ELF1: variants seen among roughly 807,000 people sequenced by gnomAD.
ELF1 encodes the protein E74 like ETS transcription factor 1.
In ELF1, 24 loss-of-function variants were observed where a neutral mutation model predicts 59.9. The observed-to-expected ratio is 0.40, with a 90% confidence interval of 0.29 to 0.56. The LOEUF (loss-of-function observed/expected upper bound fraction) is 0.56, where lower values mean the gene tolerates loss of function less well. ELF1 is among the 20% of genes least tolerant of loss of function. The pLI is 0.44. For synonymous variants in ELF1, 248 were observed against 266.2 expected, an observed-to-expected ratio of 0.93 and a Z score of 0.67; for missense variants, 627 against 742.2, an observed-to-expected ratio of 0.84 and a Z score of 1.80.
chr13:40,957,121 T>C (rs1871497680), intron 3 of ELF1, among the ~76,000 whole-genome samples: 2 of 106,774 alleles, frequency 1.9e-5, no homozygotes, highest in East Asian at 4.0e-4. Flanking sequence ...TGTATTTCGT[T>C]TTGAGTCTCT....
At position 40,941,357 on chromosome 13, in the gene ELF1, T is replaced by C. The variant is rs1342678791; in HGVS notation, c.820A>G (p.Arg274Gly). Reference sequence around the variant, plus strand: ...CCTTCCACTTTTGCCAGAATACCCCTTTGGTAATAGTACCTATTCAAAGCA... The same window carrying C: ...CCTTCCACTTTTGCCAGAATACCCCCTTGGTAATAGTACCTATTCAAAGCA... ...MGRALRYYYQ[R>G]GILAKVEGQR... The change falls in exon 8 of 9, where the codon AGG becomes GGG. Residue 274 changes from arginine to glycine, a missense_variant. By Grantham distance (125) the Arg-to-Gly change is moderately radical (BLOSUM62 -2). Transcript: ENST00000239882. 1 of 1,601,220 alleles carries C rather than the reference T, an allele frequency of 6.2e-7. No individual in the cohort carries two copies. Among genetic ancestry groups the C allele is most frequent in the Non-Finnish European group, 8.5e-7 (1 of 1,175,806 alleles).
At chr13:41,045,279 T>A (rs1036079203) in intron 1 of ELF1, among the ~76,000 whole-genome samples, 1 of 151,320 alleles carries the variant, frequency 6.6e-6, no homozygotes, top group South Asian at 2.2e-4. Flanking sequence ...AAGGGTTTTT[T>A]ATGTCTCCAT....
intron 8 of ELF1, among the ~76,000 whole-genome samples, chr13:40,934,416 C>CTTTTTTT (rs10692930): frequency 7.8e-5 from 8 of 102,480 alleles, no homozygotes; most frequent in African/African-American, 1.4e-4. Flanking sequence ...TTCATTCCTG[C>CTTTTTTT]TTTTTTTTTT....
At chr13:40,944,970 G>C (rs1031270051) in intron 5 of ELF1, among the ~76,000 whole-genome samples, 3 of 152,106 alleles carry the variant, frequency 2.0e-5, no homozygotes, top group African/African-American at 7.2e-5. Flanking sequence ...GAAAGGAAGG[G>C]AGAAAAGTGT....
At chr13:40,993,328 C>T in intron 1 of ELF1, 1 of 1,426,378 alleles carries the variant, frequency 7.0e-7, no homozygotes, top group Non-Finnish European at 9.9e-7. Context: ...CTGCCTTTTT[C>T]ACATTTCAGC....
At chr13:40,963,196 G>C (rs537556738) in intron 2 of ELF1, among the ~76,000 whole-genome samples, 9 of 152,288 alleles carry the variant, frequency 5.9e-5, no homozygotes, top group African/African-American at 1.9e-4. Context: ...ACTGACTCCA[G>C]GGTCCATGTC....
intron 3 of ELF1, among the ~76,000 whole-genome samples, chr13:40,955,758 G>A (rs868516112): frequency 1.1e-4 from 13 of 120,666 alleles, no homozygotes; most frequent in South Asian, 5.3e-4. Flanking sequence ...CAGCCGCCCC[G>A]TCCGGGAGGG....
At chr13:40,979,228 C>CACAA (rs1420977086) in intron 2 of ELF1, among the ~76,000 whole-genome samples, 1 of 151,514 alleles carries the variant, frequency 6.6e-6, no homozygotes, top group Non-Finnish European at 1.5e-5. Flanking sequence ...TACACACACA[C>CACAA]ACACATAATG....
Position 40,932,960 on chromosome 13 carries a change from T to C in ELF1, c.*465A>G, listed in dbSNP as rs1270507428. ...ATATAGTGCAGTCAACTAAAGTCAA[T>C]CTAAGTGACACCATAATTTTAACAA... is the stretch of plus-strand genomic sequence containing the variant. On this transcript the variant is annotated 3_prime_UTR_variant, in exon 9 of 9. Coordinates refer to ENST00000239882, the MANE Select transcript of ELF1 (RefSeq NM_172373.4). The C allele has an allele frequency of 6.1e-6, 1 of 164,030 alleles. No individual in the cohort carries two copies. The highest frequency in any genetic ancestry group is 1.3e-5 in the Non-Finnish European group (1 of 75,672). 10.2% of individuals were successfully genotyped at this position (164,030 alleles called of 1,614,324 possible).
At chr13:40,951,218 T>C (rs1038764449) in intron 4 of ELF1, 111 bp downstream of exon 4, 2 of 866,532 alleles carry the variant, frequency 2.3e-6, no homozygotes, top group African/African-American at 1.7e-5. Context: ...AAAATGTGAT[T>C]GTAACAAAAA....
At chr13:40,962,508 CCTTGT>C (rs1424833864) in intron 2 of ELF1, among the ~76,000 whole-genome samples, 1 of 151,548 alleles carries the variant, frequency 6.6e-6, no homozygotes, top group Non-Finnish European at 1.5e-5. Flanking sequence ...CACGGTGAAA[CCTTGT>C]CTTTACTAAA....
chr13:41,030,136 G>A (rs910389055), intron 1 of ELF1, among the ~76,000 whole-genome samples: 2 of 151,806 alleles, frequency 1.3e-5, no homozygotes, highest in Non-Finnish European at 2.9e-5. Flanking sequence ...ACAGACTCTT[G>A]GGACACTCCA....
At chr13:41,028,439 G>T (rs1465028473) in intron 1 of ELF1, among the ~76,000 whole-genome samples, 2 of 152,134 alleles carry the variant, frequency 1.3e-5, no homozygotes, top group African/African-American at 4.8e-5. Context: ...GAAGCTTTGG[G>T]TCACCCCACC....
chr13:41,047,655 G>T (rs1445565881), intron 1 of ELF1, among the ~76,000 whole-genome samples: 1 of 152,302 alleles, frequency 6.6e-6, no homozygotes, highest in Admixed American at 6.5e-5. Flanking sequence ...ATCTCAGAGG[G>T]GTACCTGGCC....
chr13:40,963,845 G>T (rs1014937535), intron 2 of ELF1, among the ~76,000 whole-genome samples: 1 of 152,050 alleles, frequency 6.6e-6, no homozygotes, highest in Non-Finnish European at 1.5e-5. Context: ...GGCAGAGGTT[G>T]CAGTGAGCCA....
At chr13:40,940,686 G>T (rs1870100110) in intron 8 of ELF1, among the ~76,000 whole-genome samples, 1 of 152,150 alleles carries the variant, frequency 6.6e-6, no homozygotes, top group South Asian at 2.1e-4. Context: ...TTATACAAAG[G>T]TGTAGTATTT....
chr13:41,052,570 G>A (rs1877128686), intron 1 of ELF1, among the ~76,000 whole-genome samples: 1 of 151,942 alleles, frequency 6.6e-6, no homozygotes, highest in African/African-American at 2.4e-5. Context: ...ACCTTCCTTG[G>A]CCAGGCACAG....
chr13:41,024,529 G>A (rs1482058946), intron 1 of ELF1, among the ~76,000 whole-genome samples: 1 of 151,990 alleles, frequency 6.6e-6, no homozygotes, highest in East Asian at 1.9e-4. Flanking sequence ...TTTGTATTTT[G>A]TATGTCTGGC....
intron 2 of ELF1, among the ~76,000 whole-genome samples, chr13:40,959,593 C>T (rs988563821): frequency 2.0e-5 from 3 of 152,234 alleles, no homozygotes; most frequent in Admixed American, 2.0e-4. Context: ...TAAATCAAAT[C>T]TCAATAAAAG....
Sources: allele counts gnomAD v4.1 joint callset (sites outside exome capture counted in the v4.1 genomes callset), GRCh38; gene constraint gnomAD v4.1.1; transcripts MANE v1.5; gene names NCBI Gene and HGNC (gene_info 2026-07-23, HGNC 2026-07-21).